Variants in ZNF69 observed in about 807,000 individuals in gnomAD.
ZNF69 encodes ZNF3.
A neutral mutation model predicts 50.9 loss-of-function variants in ZNF69; 47 were observed. The observed-to-expected ratio is 0.92, with a 90% confidence interval of 0.73 to 1.18. ZNF69 has a LOEUF of 1.18. ZNF69 is among the 50% of genes most tolerant of loss of function. The pLI is 0.00. For missense variants in ZNF69, 717 were observed against 675.1 expected (o/e 1.06, Z -0.69); for synonymous variants, 216 against 223.1 (o/e 0.97, Z 0.29).
At chr19:11,895,600 C>T (rs973106681) in intron 1 of ZNF69, among the ~76,000 whole-genome samples, 8 of 151,966 alleles carry the variant, frequency 5.3e-5, no homozygotes, top group African/African-American at 1.7e-4. Flanking sequence ...AGAATGCAGT[C>T]GTGTAAGAAA....
At chr19:11,924,419 A>T in the ZNF69 span, among the ~76,000 whole-genome samples, 1 of 147,352 alleles carries the variant, frequency 6.8e-6, no homozygotes, top group East Asian at 2.0e-4. Context: ...GCTACAGAGC[A>T]AGACTCCGTC....
the ZNF69 span, chr19:11,949,896 A>T: frequency 6.2e-7 from 1 of 1,614,050 alleles, no homozygotes; most frequent in Non-Finnish European, 8.5e-7. Context: ...AGTGTAAGCA[A>T]TGTGGGAAAG....
At chr19:11,941,070 C>T in the ZNF69 span, among the ~76,000 whole-genome samples, 1 of 152,020 alleles carries the variant, frequency 6.6e-6, no homozygotes, top group African/African-American at 2.4e-5. Flanking sequence ...TACAGAGTGT[C>T]GATTGGTGCA....
chr19:11,951,152 A>G, the ZNF69 span, among the ~76,000 whole-genome samples: 1 of 143,516 alleles, frequency 7.0e-6, no homozygotes, highest in Non-Finnish European at 1.5e-5. Context: ...TCCATCTCCA[A>G]AAAAAAAAAA....
intron 1 of ZNF69, among the ~76,000 whole-genome samples, chr19:11,895,000 G>T (rs1171252793): frequency 6.6e-6 from 1 of 152,214 alleles, no homozygotes; most frequent in South Asian, 2.1e-4. Flanking sequence ...AGTCATGAGC[G>T]CTTCGGTGAG....
the ZNF69 span, among the ~76,000 whole-genome samples, chr19:11,941,131 C>A: frequency 6.6e-6 from 1 of 152,194 alleles, no homozygotes; most frequent in Non-Finnish European, 1.5e-5. Context: ...GTTTACAAAC[C>A]TTAAGCTAGA....
the ZNF69 span, among the ~76,000 whole-genome samples, chr19:11,973,931 A>G: frequency 6.6e-6 from 1 of 152,146 alleles, no homozygotes; most frequent in Non-Finnish European, 1.5e-5. Context: ...TGGCTGTAGA[A>G]TTTTCCATTC....
At chr19:11,948,809 CT>C in the ZNF69 span, 1 of 1,609,146 alleles carries the variant, frequency 6.2e-7, no homozygotes, top group Middle Eastern at 1.7e-4. Context: ...TTTACTTATT[CT>C]GCTACCCTTC....
chr19:11,976,988 C>G, the ZNF69 span: 1 of 1,610,672 alleles, frequency 6.2e-7, no homozygotes, highest in Non-Finnish European at 8.5e-7. Flanking sequence ...TCTAGGCCCC[C>G]ACTGCTGTCA....
chr19:11,922,789 C>T, the ZNF69 span, among the ~76,000 whole-genome samples: 3 of 151,762 alleles, frequency 2.0e-5, no homozygotes, highest in Non-Finnish European at 2.9e-5. Flanking sequence ...AGGGTTTCCC[C>T]GGGGAGTCTG....
downstream of ZNF69, among the ~76,000 whole-genome samples, chr19:11,908,405 T>C (rs1972410160): frequency 6.6e-6 from 1 of 152,162 alleles, no homozygotes; most frequent in Admixed American, 6.5e-5. Context: ...ATTCCAAAAT[T>C]GACCACATAG....
intron 1 of ZNF69, among the ~76,000 whole-genome samples, chr19:11,890,746 C>T (rs1977065600): frequency 1.3e-5 from 2 of 152,136 alleles, no homozygotes; most frequent in African/African-American, 4.8e-5. Flanking sequence ...AGATGTGAGC[C>T]ACCTCGCCAG....
the ZNF69 span, chr19:11,948,734 A>G: frequency 3.7e-6 from 6 of 1,612,772 alleles, no homozygotes; most frequent in Middle Eastern, 1.6e-4. Flanking sequence ...TTCAGTTTAT[A>G]TCTTATCCAT....
At chr19:11,891,238 C>T (rs1235984913) in intron 1 of ZNF69, among the ~76,000 whole-genome samples, 2 of 151,916 alleles carry the variant, frequency 1.3e-5, no homozygotes, top group African/African-American at 4.8e-5. Context: ...CCAGCCTGGG[C>T]AACATAGGGA....
intron 1 of ZNF69, among the ~76,000 whole-genome samples, chr19:11,893,658 C>G (rs1313729564): frequency 2.6e-5 from 4 of 152,064 alleles, no homozygotes; most frequent in South Asian, 4.1e-4. Flanking sequence ...TTAGAACTGC[C>G]CGGGGCTGAC....
At chr19:11,938,480 C>T in the ZNF69 span, among the ~76,000 whole-genome samples, 43 of 152,008 alleles carry the variant, frequency 2.8e-4, no homozygotes, top group South Asian at 2.1e-4. Flanking sequence ...TGAGAATATG[C>T]GGTGTTTGGT....
the ZNF69 span, among the ~76,000 whole-genome samples, chr19:11,963,088 A>AGAGAGAGAGAGAGAGAGAGAGAGAGAGT: frequency 1.4e-4 from 19 of 138,312 alleles, no homozygotes; most frequent in African/African-American, 5.7e-4. Context: ...AGAGAGAGAG[A>AGAGAGAGAGAGAGAGAGAGAGAGAGAGT]GTGTGTGTGT....
the ZNF69 span, among the ~76,000 whole-genome samples, chr19:11,965,891 C>A: frequency 1.3e-5 from 2 of 151,984 alleles, no homozygotes; most frequent in Non-Finnish European, 2.9e-5. Context: ...GGTGTAAGTT[C>A]CATTGGCAGA....
At chr19:11,930,301 T>A in the ZNF69 span, among the ~76,000 whole-genome samples, 1 of 148,342 alleles carries the variant, frequency 6.7e-6, no homozygotes, top group African/African-American at 2.6e-5. Context: ...GAGAGAAATA[T>A]CCCAAAAGAC....
Sources: gnomAD v4.1 joint callset for allele counts (sites outside exome capture counted in the v4.1 genomes callset) on GRCh38, gnomAD v4.1.1 for gene constraint, MANE v1.5 for transcripts, NCBI Gene and HGNC (gene_info 2026-07-23, HGNC 2026-07-21) for gene names.